Variants in NDST4 observed in about 807,000 individuals in gnomAD.
NDST4 encodes the protein N-deacetylase and N-sulfotransferase 4.
Under a neutral mutation model 100.8 loss-of-function variants are expected in NDST4, and 63 were observed. The observed-to-expected ratio is 0.62, with a 90% CI of 0.51 to 0.77. The LOEUF is 0.77. Ranked by LOEUF, NDST4 falls within the 30% of genes least tolerant of loss-of-function variation. NDST4 has a pLI of 0.00. For missense variants in NDST4, 943 were observed against 1,018.4 expected, an observed-to-expected ratio of 0.93 and a Z score of 1.01; for synonymous variants, 377 against 361.8, an observed-to-expected ratio of 1.04 and a Z score of -0.48.
At chr4:115,053,845 C>G (rs1728638067) in intron 2 of NDST4, among the ~76,000 whole-genome samples, 1 of 152,062 alleles carries the variant, frequency 6.6e-6, no homozygotes, top group Non-Finnish European at 1.5e-5. Context: ...TGTAACAACA[C>G]AGTTATGACA....
At chr4:114,829,578 C>A (rs1394872868) in intron 13 of NDST4, among the ~76,000 whole-genome samples, 1 of 152,022 alleles carries the variant, frequency 6.6e-6, no homozygotes, top group Non-Finnish European at 1.5e-5. Flanking sequence ...CAAATAATTT[C>A]TAGGAATGTA....
chr4:114,857,023 G>T (rs1723811945), intron 7 of NDST4, among the ~76,000 whole-genome samples: 2 of 152,296 alleles, frequency 1.3e-5, no homozygotes, highest in African/African-American at 4.8e-5. Context: ...GAGCAAGAAA[G>T]GGGTAGGCAG....
At chr4:115,069,918 A>G (rs1022636967) in intron 2 of NDST4, among the ~76,000 whole-genome samples, 5 of 151,932 alleles carry the variant, frequency 3.3e-5, no homozygotes, top group African/African-American at 1.2e-4. Context: ...AAGTTAAAAA[A>G]TAACAGTTGC....
chr4:114,905,486 T>C (rs1241777313), intron 6 of NDST4, among the ~76,000 whole-genome samples: 1 of 151,926 alleles, frequency 6.6e-6, no homozygotes, highest in Non-Finnish European at 1.5e-5. Context: ...AAAAATTTAG[T>C]TATAAAAACT....
chr4:115,015,515 C>T (rs966603781), intron 2 of NDST4, among the ~76,000 whole-genome samples: 11 of 151,918 alleles, frequency 7.2e-5, no homozygotes, highest in African/African-American at 2.7e-4. Flanking sequence ...GATGGTCAGG[C>T]ACTTGGAGGA....
intron 6 of NDST4, among the ~76,000 whole-genome samples, chr4:114,920,330 T>C (rs1725262490): frequency 6.6e-6 from 1 of 152,180 alleles, no homozygotes; most frequent in Non-Finnish European, 1.5e-5. Flanking sequence ...ATTTGATTTC[T>C]TGAGCAAGTT....
chr4:115,048,514 T>A (rs554062589), intron 2 of NDST4, among the ~76,000 whole-genome samples: 12 of 152,316 alleles, frequency 7.9e-5, no homozygotes, highest in African/African-American at 1.2e-4. Flanking sequence ...AAAATCTTAC[T>A]ATTAGTAATG....
chr4:114,901,768 A>G (rs1724844751), intron 6 of NDST4, among the ~76,000 whole-genome samples: 2 of 149,594 alleles, frequency 1.3e-5, no homozygotes, highest in African/African-American at 2.5e-5. Context: ...ATATCATTGT[A>G]TTTTCTCTCT....
At chr4:114,974,008 T>C (rs969052741) in intron 3 of NDST4, among the ~76,000 whole-genome samples, 2 of 151,920 alleles carry the variant, frequency 1.3e-5, no homozygotes, top group African/African-American at 4.8e-5. Flanking sequence ...ATGAATTGTC[T>C]ACTATTTACT....
intron 6 of NDST4, among the ~76,000 whole-genome samples, chr4:114,913,691 G>A (rs1725108507): frequency 6.8e-6 from 1 of 147,374 alleles, no homozygotes; most frequent in South Asian, 2.2e-4. Context: ...CCCCAGAATG[G>A]TATGCAAGAA....
intron 2 of NDST4, among the ~76,000 whole-genome samples, chr4:114,996,173 A>C (rs1394514208): frequency 6.6e-6 from 1 of 152,062 alleles, no homozygotes; most frequent in Non-Finnish European, 1.5e-5. Flanking sequence ...GGTAGAGGTA[A>C]TCAGATCATG....
chr4:114,829,742 T>C, intron 13 of NDST4, 48 bp downstream of exon 13: 1 of 1,418,372 alleles, frequency 7.1e-7, no homozygotes, highest in Non-Finnish European at 9.7e-7. Flanking sequence ...GAAATAGCTG[T>C]TTGCAAATAT....
At chr4:114,931,683 T>C (rs1372875500) in intron 6 of NDST4, among the ~76,000 whole-genome samples, 2 of 151,140 alleles carry the variant, frequency 1.3e-5, no homozygotes, top group African/African-American at 2.4e-5. Flanking sequence ...ACCACAGAAA[T>C]GCAAAAAGGG....
intron 7 of NDST4, among the ~76,000 whole-genome samples, chr4:114,858,792 T>C (rs895412343): frequency 6.6e-6 from 1 of 152,158 alleles, no homozygotes; most frequent in Non-Finnish European, 1.5e-5. Flanking sequence ...CTAGGAATTC[T>C]AGCTCCCATA....
At position 115,022,254 on chromosome 4, in the gene NDST4, C is replaced by T. The variant is rs191178252; in HGVS notation, c.979-44980G>A. Reference sequence around the variant, plus strand: ...TATACGTTCCACGTCTATGCACGTTCCATATATATAAGTTCCACGTCTATG... The same window carrying T: ...TATACGTTCCACGTCTATGCACGTTTCATATATATAAGTTCCACGTCTATG... On this transcript the variant is annotated intron_variant, in intron 2 of 13. Coordinates refer to ENST00000264363, the MANE Select transcript of NDST4 (RefSeq NM_022569.3). Among the ~76,000 whole-genome samples, 491 of 150,998 alleles carry T rather than the reference C, an allele frequency of 3.3e-3. 6 individuals are homozygous for T. The highest frequency in any genetic ancestry group is 0.011 in the African/African-American group (459 of 41,018).
chr4:115,046,912 A>T (rs1342813234), intron 2 of NDST4, among the ~76,000 whole-genome samples: 1 of 151,900 alleles, frequency 6.6e-6, no homozygotes, highest in Non-Finnish European at 1.5e-5. Context: ...CTTCCTTTTC[A>T]TATATTTAAA....
At chr4:115,006,044 AAAAAAG>A (rs1486980068) in intron 2 of NDST4, among the ~76,000 whole-genome samples, 6 of 151,268 alleles carry the variant, frequency 4.0e-5, no homozygotes, top group South Asian at 2.1e-4. Flanking sequence ...AAAAAAAAAA[AAAAAAG>A]AAGAAGAAGA....
At position 115,008,252 on chromosome 4, in the gene NDST4, G is replaced by A. The variant is rs138876051; in HGVS notation, c.979-30978C>T. Among the ~76,000 whole-genome samples the A allele has an allele frequency of 7.6e-4, 99 of 129,544 alleles. 26 individuals carry two copies. The highest frequency in any genetic ancestry group is 2.8e-3 in the African/African-American group (95 of 34,244). The allele number at this position is 129,544 out of a possible 152,430, so 85.0% of individuals were successfully genotyped here. On this transcript the variant is annotated intron_variant, in intron 2 of 13. Coordinates refer to ENST00000264363, the MANE Select transcript of NDST4 (RefSeq NM_022569.3). ...GTGAATTTGATCCTGTCATTATGATGTTAGCTGGTTATTTTGCTCTTTAGT... is the reference window on the plus strand; with the variant it reads ...GTGAATTTGATCCTGTCATTATGATATTAGCTGGTTATTTTGCTCTTTAGT...
chr4:114,986,424 T>C (rs1245347752), intron 2 of NDST4, among the ~76,000 whole-genome samples: 2 of 152,108 alleles, frequency 1.3e-5, no homozygotes, highest in Non-Finnish European at 2.9e-5. Context: ...GCCACTGATT[T>C]TAGTCCACTC....
Sources: gnomAD v4.1 joint callset for allele counts (sites outside exome capture counted in the v4.1 genomes callset) on GRCh38, gnomAD v4.1.1 for gene constraint, MANE v1.5 for transcripts, NCBI Gene and HGNC (gene_info 2026-07-23, HGNC 2026-07-21) for gene names.